Variants in NOL4L observed in about 807,000 individuals in gnomAD.
The protein encoded by NOL4L is nucleolar protein 4-like.
A neutral mutation model predicts 64.5 loss-of-function variants in NOL4L; 7 were observed. The observed-to-expected ratio is 0.11, with a 90% CI of 0.06 to 0.20. The LOEUF (loss-of-function observed/expected upper bound fraction) is 0.20. Among genes scored for constraint, NOL4L ranks in the 10% least tolerant of loss-of-function variants. The probability of loss-of-function intolerance (pLI) is 1.00; values close to 1 mark genes in which losing one functional copy is unlikely to be tolerated. For synonymous variants in NOL4L, 413 were observed against 401.0 expected (o/e 1.03, Z -0.36); for missense variants, 680 against 967.1 (o/e 0.70, Z 3.94).
chr20:32,500,008 T>C (rs1377556581), intron 4 of NOL4L, among the ~76,000 whole-genome samples: 2 of 152,034 alleles, frequency 1.3e-5, no homozygotes, highest in Non-Finnish European at 2.9e-5. Flanking sequence ...TGGGGGAAAA[T>C]GGAGTATTTA....
At chr20:32,584,361 G>C (rs974078530) in intron 1 of NOL4L, among the ~76,000 whole-genome samples, 16 of 151,568 alleles carry the variant, frequency 1.1e-4, no homozygotes, top group South Asian at 1.0e-3. Flanking sequence ...CGGCGCGGAG[G>C]GGGGCAGGGA....
At chr20:32,503,030 A>G (rs921404647) in intron 4 of NOL4L, among the ~76,000 whole-genome samples, 2 of 152,216 alleles carry the variant, frequency 1.3e-5, no homozygotes, top group African/African-American at 4.8e-5. Flanking sequence ...TTGCGGTGGA[A>G]GGTCTGGGGG....
intron 4 of NOL4L, among the ~76,000 whole-genome samples, chr20:32,488,798 T>TTCCTTCCTTCCTTC (rs1568648049): frequency 4.9e-5 from 2 of 41,080 alleles, no homozygotes; most frequent in Non-Finnish European, 8.7e-5. Flanking sequence ...TTCCTTTCTT[T>TTCCTTCCTTCCTTC]CTTTCTTTTT....
intron 4 of NOL4L, among the ~76,000 whole-genome samples, chr20:32,488,747 T>TTCTTTTCCTTCCTTCC (rs1392925840): frequency 1.9e-5 from 2 of 106,906 alleles, no homozygotes; most frequent in African/African-American, 7.6e-5. Flanking sequence ...CTTTCTTTCT[T>TTCTTTTCCTTCCTTCC]TTCCTTCCTT....
chr20:32,448,872 A>ATTCT (rs1440123979), intron 10 of NOL4L, among the ~76,000 whole-genome samples: 1 of 152,104 alleles, frequency 6.6e-6, no homozygotes, highest in Non-Finnish European at 1.5e-5. Flanking sequence ...TCATTGGCAA[A>ATTCT]TTCTTTAACT....
At chr20:32,521,938 G>A (rs1041166266) in intron 2 of NOL4L, among the ~76,000 whole-genome samples, 7 of 152,364 alleles carry the variant, frequency 4.6e-5, no homozygotes, top group East Asian at 1.9e-4. Context: ...GCCCGCAGCC[G>A]GGCTGGGAAA....
At chr20:32,467,358 G>C (rs899869776) in intron 5 of NOL4L, among the ~76,000 whole-genome samples, 5 of 152,158 alleles carry the variant, frequency 3.3e-5, no homozygotes, top group African/African-American at 4.8e-5. Flanking sequence ...TGGGGAGGGA[G>C]GGACAGGGAC....
chr20:32,456,955 C>A (rs1198366920), intron 5 of NOL4L, among the ~76,000 whole-genome samples: 1 of 152,234 alleles, frequency 6.6e-6, no homozygotes, highest in Non-Finnish European at 1.5e-5. Flanking sequence ...GTAAGCAAGC[C>A]CAGCCCTGGC....
intron 10 of NOL4L, among the ~76,000 whole-genome samples, chr20:32,449,496 G>A: frequency 6.6e-6 from 1 of 152,238 alleles, no homozygotes; most frequent in South Asian, 2.1e-4. Flanking sequence ...AGTCTAAGAT[G>A]GGACAGTTTG....
intron 3 of NOL4L, among the ~76,000 whole-genome samples, chr20:32,518,064 C>T (rs896729783): frequency 1.3e-5 from 2 of 152,174 alleles, no homozygotes; most frequent in African/African-American, 2.4e-5. Context: ...CAGTGGGGAA[C>T]AGGGCTGCAC....
chr20:32,453,531 G>A lies in NOL4L; in HGVS notation c.1306-36C>T. The A allele has an allele frequency of 6.2e-7, 1 of 1,613,518 alleles. No homozygotes were observed. Among genetic ancestry groups the A allele is most frequent in the Non-Finnish European group, 8.5e-7 (1 of 1,179,440 alleles). ...ACGGGCCATGGGAAGGGCTGGCCCT[G>A]GCCTTGCCCCCATCCCACCCCACCT... On this transcript the variant is annotated intron_variant, in intron 7 of 10. Coordinates refer to ENST00000621426, the MANE Select transcript of NOL4L (RefSeq NM_001256798.2). The surrounding 1 kb of genome is among the most constrained non-coding windows in gnomAD (Gnocchi z 5.6).
At chr20:32,497,639 G>A (rs536339987) in intron 4 of NOL4L, among the ~76,000 whole-genome samples, 1 of 152,294 alleles carries the variant, frequency 6.6e-6, no homozygotes, top group Admixed American at 6.5e-5. Context: ...TCTTGGTTAG[G>A]CTGTGGCGGT....
intron 4 of NOL4L, among the ~76,000 whole-genome samples, chr20:32,507,608 T>C (rs372175603): frequency 5.3e-5 from 8 of 152,248 alleles, no homozygotes; most frequent in African/African-American, 1.9e-4. Context: ...AATGTTCTCC[T>C]TATCTTACCA....
At chr20:32,476,198 GACACACACACACACACACAC>G (rs1167969757) in intron 4 of NOL4L, among the ~76,000 whole-genome samples, 7 of 141,084 alleles carry the variant, frequency 5.0e-5, no homozygotes, top group East Asian at 2.1e-4. Flanking sequence ...CACCCGGAGG[GACACACACACACACACACAC>G]ACACACACAC....
chr20:32,516,575 C>T (rs1329565277), intron 3 of NOL4L, among the ~76,000 whole-genome samples: 1 of 152,192 alleles, frequency 6.6e-6, no homozygotes, highest in Non-Finnish European at 1.5e-5. Context: ...TTAGCACCTG[C>T]TTAGGGCTCC....
intron 4 of NOL4L, among the ~76,000 whole-genome samples, chr20:32,506,289 G>C (rs1179550456): frequency 2.6e-5 from 4 of 152,042 alleles, no homozygotes; most frequent in East Asian, 2.0e-4. Flanking sequence ...AGCCTCCCCT[G>C]GCCCCAGGTC....
chr20:32,514,180 T>C (rs1194559694), intron 3 of NOL4L, among the ~76,000 whole-genome samples: 1 of 152,090 alleles, frequency 6.6e-6, no homozygotes, highest in Non-Finnish European at 1.5e-5. Flanking sequence ...AATGTTTCAT[T>C]CTTTGTTCTT....
Position 32,453,711 on chromosome 20 carries a change from G to A in NOL4L, c.1170C>T (p.Ser390=), listed in dbSNP as rs141712392. 1.2e-5 allele frequency: 18 copies of A among 1,558,592 alleles called. No homozygotes were observed. The highest frequency in any genetic ancestry group is 2.4e-5 in the East Asian group (1 of 41,416). The change falls in exon 7 of 11, where the codon AGC becomes AGT. Residue 390 remains serine (S), a synonymous_variant. Coordinates refer to ENST00000621426, the MANE Select transcript of NOL4L (RefSeq NM_001256798.2). This position sits in a 1 kb window ranked among gnomAD's most constrained non-coding sequence, Gnocchi z 5.6. Reference sequence around the variant, plus strand: ...CCACTGTCAGGTCCTCAGGGCAGCCGCTGACCTCGGTCTTGATGGAATCGT... The same window carrying A: ...CCACTGTCAGGTCCTCAGGGCAGCCACTGACCTCGGTCTTGATGGAATCGT... ...GSYDSIKTEV[S]GCPEDLTVGR...
At chr20:32,491,671 T>C (rs758184350) in intron 4 of NOL4L, among the ~76,000 whole-genome samples, 31 of 152,322 alleles carry the variant, frequency 2.0e-4, no homozygotes, top group Non-Finnish European at 3.8e-4. Flanking sequence ...CCACACTTTG[T>C]AACTCCCATG....
Sources: allele counts gnomAD v4.1 joint callset (sites outside exome capture counted in the v4.1 genomes callset), GRCh38; gene constraint gnomAD v4.1.1; non-coding constraint Gnocchi (gnomAD v3.1); transcripts MANE v1.5; gene names NCBI Gene and HGNC (gene_info 2026-07-23, HGNC 2026-07-21).